The following TACC2 variants were observed in gnomAD, a reference collection of about 807,000 sequenced individuals.
TACC2 encodes transforming acidic coiled-coil-containing protein 2.
TACC2 carries 137 observed loss-of-function variants against 227.3 expected under a neutral mutation model. The observed-to-expected ratio is 0.60, with a 90% CI of 0.52 to 0.69. TACC2 has a LOEUF of 0.69. Ranked by LOEUF, TACC2 falls within the 30% of genes least tolerant of loss-of-function variation. The pLI, the probability that TACC2 is intolerant of heterozygous loss-of-function variation, is 0.00. For synonymous variants in TACC2, 1,523 were observed against 1,487.5 expected (o/e 1.02, Z -0.55); for missense variants, 3,470 against 3,694.4 (o/e 0.94, Z 1.57).
chr10:122,250,738 C>T (rs1359279756), intron 22 of TACC2, among the ~76,000 whole-genome samples: 2 of 152,112 alleles, frequency 1.3e-5, no homozygotes, highest in African/African-American at 2.4e-5. Context: ...TCGCACCCCA[C>T]CTCAGTGTCT....
chr10:122,084,177 C>T lies in TACC2; in HGVS notation c.1677C>T (p.Ser559=), dbSNP rs1468646591. 7.4e-6 allele frequency: 12 copies of T among 1,614,092 alleles called. No individual in the cohort carries two copies. Among genetic ancestry groups the T allele is most frequent in the Non-Finnish European group, 1.0e-5 (12 of 1,180,034 alleles). Residue 559 remains serine (S), a synonymous_variant, in exon 4 of 23, where the codon TCC becomes TCT. Transcript: ENST00000369005. The part of the protein sequence containing the change: ...PTDGAKVHED[S]TSPAVAKEGS... ...ATGGAGCCAAGGTCCATGAAGATTCCACAAGCCCAGCCGTGGCTAAAGAAG... is the reference window on the plus strand; with the variant it reads ...ATGGAGCCAAGGTCCATGAAGATTCTACAAGCCCAGCCGTGGCTAAAGAAG...
intron 7 of TACC2, chr10:122,164,099 C>T: frequency 7.2e-7 from 1 of 1,387,344 alleles, no homozygotes; most frequent in East Asian, 2.5e-5. Context: ...GGAGCCCAGG[C>T]TGGCCTGGGG....
intron 2 of TACC2, among the ~76,000 whole-genome samples, chr10:122,049,600 G>A (rs533186369): frequency 6.6e-6 from 1 of 152,134 alleles, no homozygotes; most frequent in Non-Finnish European, 1.5e-5. Context: ...GGGGCACAGG[G>A]TCGCCGCTGG....
At chr10:122,021,301 T>C (rs1440936453) in intron 1 of TACC2, among the ~76,000 whole-genome samples, 1 of 152,044 alleles carries the variant, frequency 6.6e-6, no homozygotes, top group African/African-American at 2.4e-5. Flanking sequence ...GAAATGATTC[T>C]AGTTGACCTG....
rs1461485454 is a variant in TACC2, at chr10:122,205,175, T to C, written c.5972-5222T>C. Among the ~76,000 whole-genome samples, 1 of 152,150 alleles carries C rather than the reference T, an allele frequency of 6.6e-6. No individual in the cohort carries two copies. Among genetic ancestry groups the C allele is most frequent in the African/African-American group, 2.4e-5 (1 of 41,428 alleles). ...ACTTTTCCCTCTTGGTTTCTGGGAA[T>C]TGAACAGAAGTTTGAGAGCAGACAT... On this transcript the variant is annotated intron_variant, in intron 8 of 22. Transcript: ENST00000369005. This position sits in a 1 kb window ranked among gnomAD's most constrained non-coding sequence, Gnocchi z 4.5.
chr10:122,063,457 G>A (rs7893870), intron 3 of TACC2, among the ~76,000 whole-genome samples: 32,848 of 152,132 alleles, frequency 0.22, 3,620 homozygotes, highest in East Asian at 0.32. Context: ...GACTTTTGAC[G>A]CTGGCTGAAA....
intron 7 of TACC2, among the ~76,000 whole-genome samples, chr10:122,148,810 T>C (rs7097751): frequency 0.49 from 74,757 of 152,058 alleles, 18,441 homozygotes; most frequent in Middle Eastern, 0.54. Context: ...TCATTGGTAA[T>C]CATTAGGCCG....
At chr10:122,233,176 T>C (rs2141503950) in intron 16 of TACC2, among the ~76,000 whole-genome samples, 1 of 152,328 alleles carries the variant, frequency 6.6e-6, no homozygotes, top group South Asian at 2.1e-4. Context: ...TCACCATTAC[T>C]TTCCTTCCAC....
intron 7 of TACC2, among the ~76,000 whole-genome samples, chr10:122,176,105 CTCTCTCTCTCTCTA>C (rs1422576556): frequency 4.3e-3 from 315 of 73,314 alleles, no homozygotes; most frequent in African/African-American, 0.018. Flanking sequence ...CTCTCTCTCT[CTCTCTCTCTCTCTA>C]TATATATATA....
chr10:122,140,854 A>G (rs2090425146), intron 6 of TACC2, among the ~76,000 whole-genome samples: 1 of 152,132 alleles, frequency 6.6e-6, no homozygotes. Context: ...AGTTCAAGGG[A>G]CCTTGACTAG....
At chr10:121,999,238 AACT>A (rs1818329802) in intron 1 of TACC2, among the ~76,000 whole-genome samples, 1 of 152,098 alleles carries the variant, frequency 6.6e-6, no homozygotes, top group Non-Finnish European at 1.5e-5. Flanking sequence ...CAATCTCCTG[AACT>A]CGTGATTGGA....
chr10:122,104,705 T>C (rs556346626), intron 5 of TACC2, among the ~76,000 whole-genome samples: 15 of 152,334 alleles, frequency 9.8e-5, no homozygotes, highest in African/African-American at 3.6e-4. Context: ...CTAGTCAATG[T>C]CTGTGAAGTT....
intron 3 of TACC2, among the ~76,000 whole-genome samples, chr10:122,056,467 G>A (rs370319889): frequency 6.6e-6 from 1 of 152,182 alleles, no homozygotes; most frequent in South Asian, 2.1e-4. Flanking sequence ...GAGCCACTGC[G>A]CCCAGCCAGG....
intron 1 of TACC2, among the ~76,000 whole-genome samples, chr10:122,016,887 A>C (rs1424535265): frequency 6.6e-6 from 1 of 152,198 alleles, no homozygotes; most frequent in African/African-American, 2.4e-5. Flanking sequence ...ATGAAGCCCT[A>C]TGGGGGTGCC....
chr10:122,130,999 C>T (rs74579595), intron 5 of TACC2, among the ~76,000 whole-genome samples: 5,732 of 151,908 alleles, frequency 0.038, 193 homozygotes, highest in East Asian at 0.17. Context: ...ACAGTTGTTA[C>T]TAAATAAATA....
chr10:122,017,921 C>T (rs1956881743), intron 1 of TACC2, among the ~76,000 whole-genome samples: 1 of 146,476 alleles, frequency 6.8e-6, no homozygotes, highest in Admixed American at 6.9e-5. Context: ...TCTCTCATCC[C>T]TCCAAACATT....
At chr10:122,027,335 T>C (rs1958162913) in intron 2 of TACC2, among the ~76,000 whole-genome samples, 1 of 152,240 alleles carries the variant, frequency 6.6e-6, no homozygotes, top group Non-Finnish European at 1.5e-5. Context: ...TTTTACAAGT[T>C]TCTTGTATAT....
At chr10:122,224,822 C>G (rs746979732) in intron 12 of TACC2, 35 bp downstream of exon 12, 4 of 1,575,386 alleles carry the variant, frequency 2.5e-6, no homozygotes, top group African/African-American at 2.7e-5. Flanking sequence ...TTAGGGGACT[C>G]GCTTTCCTGC....
At chr10:122,218,284 A>T (rs1236851255) in intron 11 of TACC2, among the ~76,000 whole-genome samples, 1 of 152,158 alleles carries the variant, frequency 6.6e-6, no homozygotes, top group Non-Finnish European at 1.5e-5. Flanking sequence ...AATCACTGTG[A>T]AGAAGATCAC....
Sources: allele counts gnomAD v4.1 joint callset (sites outside exome capture counted in the v4.1 genomes callset), GRCh38; gene constraint gnomAD v4.1.1; non-coding constraint Gnocchi (gnomAD v3.1); transcripts MANE v1.5; gene names NCBI Gene and HGNC (gene_info 2026-07-23, HGNC 2026-07-21).